Variants in NKAIN2 observed in about 807,000 individuals in gnomAD.
The protein encoded by NKAIN2 is sodium/potassium-transporting ATPase subunit beta-1-interacting protein 2.
A neutral mutation model predicts 32.6 loss-of-function variants in NKAIN2; 14 were observed. That is an observed-to-expected ratio of 0.43 (90% confidence interval 0.28 to 0.67). The LOEUF (loss-of-function observed/expected upper bound fraction) is 0.67, where lower values mean the gene tolerates loss of function less well. Among genes scored for constraint, NKAIN2 ranks in the 30% least tolerant of loss-of-function variants. The pLI is 0.17. For missense variants in NKAIN2, 198 were observed against 258.3 expected (o/e 0.77, Z 1.60); for synonymous variants, 80 against 87.2 (o/e 0.92, Z 0.46).
chr6:124,806,523 A>G (rs1481849032), intron 5 of NKAIN2, among the ~76,000 whole-genome samples: 2 of 152,192 alleles, frequency 1.3e-5, no homozygotes, highest in African/African-American at 2.4e-5. Flanking sequence ...GGTACCAGCC[A>G]CTGCAAAATC....
intron 4 of NKAIN2, among the ~76,000 whole-genome samples, chr6:124,702,176 G>A (rs147792023): frequency 4.2e-4 from 64 of 151,882 alleles, no homozygotes; most frequent in Non-Finnish European, 7.5e-4. Context: ...TCAAAACCAG[G>A]CATGGGAAGC....
At chr6:124,371,511 G>A (rs1799758666) in intron 3 of NKAIN2, among the ~76,000 whole-genome samples, 2 of 151,918 alleles carry the variant, frequency 1.3e-5, no homozygotes, top group Non-Finnish European at 2.9e-5. Context: ...GACCAACAGG[G>A]TGAAACCCCG....
chr6:124,720,390 G>C (rs1775955274), intron 4 of NKAIN2, among the ~76,000 whole-genome samples: 1 of 152,148 alleles, frequency 6.6e-6, no homozygotes, highest in South Asian at 2.1e-4. Context: ...TAGGATGCTT[G>C]ATTAATTAAT....
chr6:124,166,271 T>TGG (rs1392667893), intron 1 of NKAIN2, among the ~76,000 whole-genome samples: 1 of 150,940 alleles, frequency 6.6e-6, no homozygotes, highest in Non-Finnish European at 1.5e-5. Flanking sequence ...TGGCCAGTGA[T>TGG]GGTGAGCATT....
chr6:124,579,826 G>C (rs1214932839), intron 3 of NKAIN2, among the ~76,000 whole-genome samples: 3 of 152,122 alleles, frequency 2.0e-5, no homozygotes, highest in African/African-American at 7.2e-5. Flanking sequence ...AACCTTAAAA[G>C]CAGCAAGAGA....
intron 1 of NKAIN2, among the ~76,000 whole-genome samples, chr6:123,840,398 T>C (rs889072298): frequency 1.4e-4 from 22 of 152,204 alleles, no homozygotes; most frequent in South Asian, 2.1e-4. Context: ...TCAAAGATGA[T>C]TTTTAAGCTT....
chr6:124,799,874 C>T (rs1780174912), intron 5 of NKAIN2, among the ~76,000 whole-genome samples: 1 of 152,186 alleles, frequency 6.6e-6, no homozygotes, highest in Non-Finnish European at 1.5e-5. Flanking sequence ...CCACAGCCTA[C>T]CAGCAGTGGG....
At chr6:124,390,491 C>A (rs969022206) in intron 3 of NKAIN2, among the ~76,000 whole-genome samples, 4 of 151,968 alleles carry the variant, frequency 2.6e-5, no homozygotes, top group African/African-American at 9.7e-5. Flanking sequence ...GTGTCTTTTC[C>A]AAAGGAAGAA....
intron 1 of NKAIN2, among the ~76,000 whole-genome samples, chr6:124,029,834 T>C (rs559594336): frequency 6.6e-6 from 1 of 152,276 alleles, no homozygotes; most frequent in East Asian, 1.9e-4. Context: ...CTCTGCTTCC[T>C]GTTAGATCAG....
chr6:124,293,801 A>C (rs1795926610), intron 2 of NKAIN2, among the ~76,000 whole-genome samples: 1 of 152,030 alleles, frequency 6.6e-6, no homozygotes. Flanking sequence ...ATATCTCGTA[A>C]GAGAAAAGTG....
chr6:123,856,782 T>A (rs565660763), intron 1 of NKAIN2, among the ~76,000 whole-genome samples: 6 of 152,318 alleles, frequency 3.9e-5, no homozygotes, highest in Non-Finnish European at 8.8e-5. Context: ...CTCTCTACTA[T>A]AACAAACCCC....
chr6:124,029,801 C>A (rs555782749), intron 1 of NKAIN2, among the ~76,000 whole-genome samples: 1 of 152,210 alleles, frequency 6.6e-6, no homozygotes, highest in East Asian at 1.9e-4. Context: ...AGCCGCTCCC[C>A]ATTGCTTTCA....
intron 3 of NKAIN2, among the ~76,000 whole-genome samples, chr6:124,523,348 T>C (rs966344153): frequency 5.3e-5 from 8 of 152,002 alleles, no homozygotes; most frequent in Non-Finnish European, 1.0e-4. Flanking sequence ...ACTATACTCC[T>C]TTGTTCTCAT....
chr6:124,004,160 A>C (rs547476520), intron 1 of NKAIN2, among the ~76,000 whole-genome samples: 2 of 152,326 alleles, frequency 1.3e-5, no homozygotes, highest in Non-Finnish European at 2.9e-5. Context: ...TATCTTGGGA[A>C]AAAGTATCTG....
chr6:124,451,955 G>A (rs945588179), intron 3 of NKAIN2, among the ~76,000 whole-genome samples: 1 of 152,100 alleles, frequency 6.6e-6, no homozygotes, highest in Non-Finnish European at 1.5e-5. Context: ...AGCACTTTGG[G>A]AGGCCAAGGT....
At chr6:124,375,250 C>G (rs1246875608) in intron 3 of NKAIN2, among the ~76,000 whole-genome samples, 1 of 151,924 alleles carries the variant, frequency 6.6e-6, no homozygotes, top group African/African-American at 2.4e-5. Context: ...CACTGCTAAT[C>G]ATGGCACTTA....
At chr6:123,871,428 C>A (rs994691433) in intron 1 of NKAIN2, among the ~76,000 whole-genome samples, 1 of 152,194 alleles carries the variant, frequency 6.6e-6, no homozygotes, top group Non-Finnish European at 1.5e-5. Flanking sequence ...CATAGTCTGA[C>A]CTGACTGCTC....
chr6:124,349,351 C>T (rs140482751), intron 2 of NKAIN2, among the ~76,000 whole-genome samples: 9 of 152,038 alleles, frequency 5.9e-5, no homozygotes, highest in Middle Eastern at 3.4e-3. Context: ...GTGCACAGGC[C>T]GGTTGGGTAT....
chr6:123,851,244 A>ATTTTTTTTTTTTTT (rs59287833), intron 1 of NKAIN2, among the ~76,000 whole-genome samples: 6 of 88,196 alleles, frequency 6.8e-5, no homozygotes, highest in South Asian at 4.4e-4. Flanking sequence ...TGGTGGTTCT[A>ATTTTTTTTTTTTTT]TTTTTTTTTT....
Sources: gnomAD v4.1 joint callset for allele counts (sites outside exome capture counted in the v4.1 genomes callset) on GRCh38, gnomAD v4.1.1 for gene constraint, MANE v1.5 for transcripts, NCBI Gene and HGNC (gene_info 2026-07-23, HGNC 2026-07-21) for gene names.